Variants in KXD1 observed in about 807,000 individuals in gnomAD.
The protein encoded by KXD1 is KxDL motif containing 1.
KXD1 carries 5 observed loss-of-function variants against 12.1 expected under a neutral mutation model. The ratio of observed to expected loss-of-function variants is 0.41; its 90% CI spans 0.22 to 0.87. The LOEUF (loss-of-function observed/expected upper bound fraction) is 0.87. KXD1 is among the 40% of genes least tolerant of loss of function. The pLI is 0.31. For synonymous variants in KXD1, 98 were observed against 100.5 expected, an observed-to-expected ratio of 0.98 and a Z score of 0.15; for missense variants, 193 against 244.9, an observed-to-expected ratio of 0.79 and a Z score of 1.41.
At chr19:18,562,795 C>T (rs1314184758) in intron 2 of KXD1, among the ~76,000 whole-genome samples, 1 of 152,208 alleles carries the variant, frequency 6.6e-6, no homozygotes, top group Non-Finnish European at 1.5e-5. Flanking sequence ...CGCCTACTTC[C>T]TGGTGAAGGA....
intron 3 of KXD1, 95 bp downstream of exon 3, chr19:18,565,116 T>G: frequency 6.5e-7 from 1 of 1,539,380 alleles, no homozygotes; most frequent in Non-Finnish European, 8.7e-7. Context: ...AAAGGGAGAT[T>G]TCTGTTTGTT....
chr19:18,566,050 C>G (rs904563877), intron 3 of KXD1, among the ~76,000 whole-genome samples: 1 of 152,114 alleles, frequency 6.6e-6, no homozygotes, highest in Non-Finnish European at 1.5e-5. Context: ...AGGCTCATCT[C>G]GAAGTCCTGG....
At chr19:18,561,950 T>C in intron 1 of KXD1, 86 bp from the exon 2 acceptor site, 1 of 804,186 alleles carries the variant, frequency 1.2e-6, no homozygotes, top group Admixed American at 2.9e-5. Flanking sequence ...TGGGTTAGGT[T>C]CCAGCACATG....
intron 3 of KXD1, 55 bp from the exon 4 acceptor site, chr19:18,567,076 AG>A: frequency 1.9e-6 from 3 of 1,567,088 alleles, no homozygotes; most frequent in Non-Finnish European, 2.6e-6. Flanking sequence ...GGCCAGCACC[AG>A]GCCCAGCCTA....
rs533497864 is a variant in KXD1, at chr19:18,568,302, A to G, written c.302-100A>G. 1.5e-3 allele frequency: 1,246 copies of G among 808,354 alleles called. 15 individuals are homozygous for G. In the African/African-American group the frequency reaches 0.019, roughly 13 times the overall value. The allele number at this position is 808,354 out of a possible 1,614,324, so 50.1% of individuals were successfully genotyped here. On this transcript the variant is annotated intron_variant, in intron 4 of 4. Coordinates refer to ENST00000222307, the MANE Select transcript of KXD1 (RefSeq NM_024069.4). Reference sequence around the variant, plus strand: ...AAAAAAAGGGTCAAGTCATACCCCCATGGGGTGAGGGCAGCCGTTAGGGGT... The same window carrying G: ...AAAAAAAGGGTCAAGTCATACCCCCGTGGGGTGAGGGCAGCCGTTAGGGGT...
chr19:18,562,073 CG>C lies in KXD1; in HGVS notation c.19del (p.Ala7ProfsTer10). The stretch of plus-strand genomic sequence containing the variant: ...GAGAAAGAGATGGACCTCCCGGACT[CG>C]GCCTCGAGGGTCTTCTGCGGCCGCA... Reference protein sequence around the residue: MDLPDSASRVFCGRIL... With the variant: MDLPDXASRVFCGRIL... On this transcript the variant is annotated frameshift_variant, in exon 2 of 5. Transcript: ENST00000222307. LOFTEE classifies it high-confidence loss of function. 6.2e-7 allele frequency: 1 copy of C among 1,613,084 alleles called. No homozygotes were observed. Among genetic ancestry groups the C allele is most frequent in the East Asian group, 2.2e-5 (1 of 44,790 alleles).
intron 3 of KXD1, 118 bp from the exon 4 acceptor site, chr19:18,567,013 TG>T (rs1442881097): frequency 3.7e-6 from 3 of 813,530 alleles, no homozygotes; most frequent in African/African-American, 3.4e-5. Context: ...ATGAACAGTG[TG>T]GGGGTTCTCA....
At chr19:18,558,063 A>C (rs1568417383) in intron 1 of KXD1, 149 bp downstream of exon 1, 1 of 152,352 alleles carries the variant, frequency 6.6e-6, no homozygotes, top group Non-Finnish European at 1.5e-5. Context: ...TGCTGCGCAC[A>C]GGCCTCAGTT....
Position 18,567,162 on chromosome 19 carries a change from C to T in KXD1, c.285C>T (p.His95=), listed in dbSNP as rs113127363. Residue 95 remains histidine (H), a synonymous_variant, in exon 4 of 5, where the codon CAC becomes CAT. Coordinates refer to ENST00000222307, the MANE Select transcript of KXD1 (RefSeq NM_024069.4). ...RTLKGKLARQ[H]PEAFSHIPEA... ...TGAAAGGGAAACTGGCCAGGCAGCA[C>T]CCAGAGGCCTTCAGCCGTAAGTGTC... The T allele has an allele frequency of 3.1e-3, 5,007 of 1,614,162 alleles. 152 individuals carry two copies. The African/African-American group carries it at 0.058, about 19-fold the overall frequency.
chr19:18,564,036 G>A (rs949785657), intron 2 of KXD1, among the ~76,000 whole-genome samples: 3 of 151,986 alleles, frequency 2.0e-5, no homozygotes, highest in African/African-American at 4.8e-5. Flanking sequence ...ACAGGCGCCC[G>A]CCACCATGCC....
intron 1 of KXD1, chr19:18,561,600 G>A (rs1974918795): frequency 6.6e-6 from 1 of 152,028 alleles, no homozygotes; most frequent in Non-Finnish European, 1.5e-5. Context: ...GAAGCGGTAA[G>A]AGTGACGGGA....
intron 1 of KXD1, among the ~76,000 whole-genome samples, chr19:18,561,268 G>A (rs1250190377): frequency 6.6e-6 from 1 of 152,016 alleles, no homozygotes; most frequent in Admixed American, 6.6e-5. Flanking sequence ...ACAAGGTAAA[G>A]TAGCCTGGGC....
chr19:18,564,075 C>A (rs535981160), intron 2 of KXD1, among the ~76,000 whole-genome samples: 1 of 152,010 alleles, frequency 6.6e-6, no homozygotes, highest in East Asian at 1.9e-4. Flanking sequence ...TTGGTAGAGA[C>A]GCGGTTTTCC....
At chr19:18,566,410 C>T (rs546884231) in intron 3 of KXD1, among the ~76,000 whole-genome samples, 22 of 76,922 alleles carry the variant, frequency 2.9e-4, no homozygotes, top group East Asian at 1.7e-3. Flanking sequence ...GAGCCGAGAT[C>T]GCGCCACTGC....
chr19:18,568,610 CGAG>C lies in KXD1; in HGVS notation c.514_516del (p.Glu172del), dbSNP rs771556137. 5 of 1,611,678 alleles carry C rather than the reference CGAG, an allele frequency of 3.1e-6. No individual in the cohort carries two copies. The highest frequency in any genetic ancestry group is 1.7e-5 in the Admixed American group (1 of 59,996). Reference sequence around the variant, plus strand: ...TCAACGGCCGCAGCCAGACAGATGACGAGGAGATGACGGGCGAATAGCCCTGCT... The same window carrying C: ...TCAACGGCCGCAGCCAGACAGATGACGAGATGACGGGCGAATAGCCCTGCT... On this transcript the variant is annotated inframe_deletion, in exon 5 of 5. Coordinates refer to ENST00000222307, the MANE Select transcript of KXD1 (RefSeq NM_024069.4).
chr19:18,565,877 G>A (rs1377503884), intron 3 of KXD1, among the ~76,000 whole-genome samples: 2 of 152,080 alleles, frequency 1.3e-5, no homozygotes, highest in East Asian at 1.9e-4. Flanking sequence ...TAGTAGAGAC[G>A]AGATTTCACC....
In KXD1 at chr19:18,568,462, C is replaced by T. The variant is rs777121931; in HGVS notation, c.362C>T (p.Thr121Met). 8 of 1,614,090 alleles carry T rather than the reference C, an allele frequency of 5.0e-6. No homozygotes were observed. The highest frequency in any genetic ancestry group is 5.9e-6 in the Non-Finnish European group (7 of 1,180,016). ...EDEDPIPPST[T>M]TTIATSEQST... ...GAAGACCCCATCCCACCCAGCACCA[C>T]GACCACCATTGCCACCTCAGAACAG... Residue 121 changes from threonine (T) to methionine (M), a missense_variant, in exon 5 of 5, where the codon ACG becomes ATG. Coordinates refer to ENST00000222307, the MANE Select transcript of KXD1 (RefSeq NM_024069.4).
chr19:18,558,032 C>G (rs945836927), intron 1 of KXD1, 118 bp downstream of exon 1: 1 of 152,404 alleles, frequency 6.6e-6, no homozygotes, highest in African/African-American at 2.4e-5. Flanking sequence ...GGGTGCGCCA[C>G]TGGCCACATC....
At chr19:18,564,847 C>T (rs893412465) in intron 2 of KXD1, 22 bp from the exon 3 acceptor site, 1 of 1,612,676 alleles carries the variant, frequency 6.2e-7, no homozygotes, top group Non-Finnish European at 8.5e-7. Flanking sequence ...CAGTGAAGCT[C>T]ATGCCCTCTC....
Sources: allele counts gnomAD v4.1 joint callset (sites outside exome capture counted in the v4.1 genomes callset), GRCh38; gene constraint gnomAD v4.1.1; transcripts MANE v1.5; gene names NCBI Gene and HGNC (gene_info 2026-07-23, HGNC 2026-07-21).